The following CACNA2D2 variants were observed in gnomAD, a reference collection of about 807,000 sequenced individuals.
CACNA2D2 encodes the protein calcium voltage-gated channel auxiliary subunit alpha2delta 2.
A neutral mutation model predicts 166.4 loss-of-function variants in CACNA2D2; 48 were observed. The ratio of observed to expected loss-of-function variants is 0.29; its 90% CI spans 0.23 to 0.37. The LOEUF is 0.37. Among genes scored for constraint, CACNA2D2 ranks in the 10% least tolerant of loss-of-function variants. The probability of loss-of-function intolerance (pLI) is 1.00; values close to 1 mark genes in which losing one functional copy is unlikely to be tolerated. For synonymous variants in CACNA2D2, 561 were observed against 573.7 expected, an observed-to-expected ratio of 0.98 and a Z score of 0.32; for missense variants, 1,122 against 1,433.0, an observed-to-expected ratio of 0.78 and a Z score of 3.50.
intron 13 of CACNA2D2, among the ~76,000 whole-genome samples, chr3:50,378,608 C>A (rs1705115838): frequency 6.6e-6 from 1 of 152,212 alleles, no homozygotes; most frequent in Non-Finnish European, 1.5e-5. Context: ...GGTGCAATGC[C>A]ATTCAAAGTC....
chr3:50,481,226 C>A (rs1698043499), intron 1 of CACNA2D2, among the ~76,000 whole-genome samples: 1 of 152,036 alleles, frequency 6.6e-6, no homozygotes, highest in Non-Finnish European at 1.5e-5. Flanking sequence ...GGGAGGGGCT[C>A]TGTTCAAGAG....
intron 3 of CACNA2D2, among the ~76,000 whole-genome samples, chr3:50,431,265 C>T (rs1708048990): frequency 6.6e-6 from 1 of 152,094 alleles, no homozygotes; most frequent in Admixed American, 6.5e-5. Flanking sequence ...ACATTTAAAA[C>T]ATAATTAAAA....
chr3:50,447,575 C>G (rs1708911894), intron 2 of CACNA2D2, among the ~76,000 whole-genome samples: 3 of 152,118 alleles, frequency 2.0e-5, no homozygotes, highest in Non-Finnish European at 4.4e-5. Context: ...CCTCCCATAC[C>G]ACTGGGCCTG....
At chr3:50,445,372 T>C (rs1214987553) in intron 2 of CACNA2D2, among the ~76,000 whole-genome samples, 1 of 152,164 alleles carries the variant, frequency 6.6e-6, no homozygotes, top group African/African-American at 2.4e-5. Flanking sequence ...GGTAAGGCAG[T>C]AGGCACCAGA....
Position 50,378,899 on chromosome 3 carries a change from T to C in CACNA2D2, c.1339+16A>G, listed in dbSNP as rs773064248. On this transcript the variant is annotated intron_variant, in intron 13 of 37. Transcript: ENST00000424201. ...ATGGCAGGCAGGCCCCTGACAGTGA[T>C]GCGCAGGGGAGGTACCTTTGTTGGC... is the stretch of plus-strand genomic sequence containing the variant. 3.7e-6 allele frequency: 6 copies of C among 1,612,942 alleles called. No individual in the cohort carries two copies. The highest frequency in any genetic ancestry group is 5.1e-6 in the Non-Finnish European group (6 of 1,179,424).
intron 3 of CACNA2D2, among the ~76,000 whole-genome samples, chr3:50,432,363 G>A (rs933939053): frequency 5.9e-5 from 9 of 152,236 alleles, no homozygotes; most frequent in Non-Finnish European, 1.2e-4. Flanking sequence ...GTGGCAGGCC[G>A]AAAGGCCTGA....
At chr3:50,392,952 G>A (rs545521335) in intron 4 of CACNA2D2, among the ~76,000 whole-genome samples, 228 of 152,298 alleles carry the variant, frequency 1.5e-3, no homozygotes, top group African/African-American at 5.2e-3. Context: ...CTCCCTGAGG[G>A]CAGCACCCAG....
chr3:50,490,616 C>G (rs1285787012), intron 1 of CACNA2D2, among the ~76,000 whole-genome samples: 2 of 152,224 alleles, frequency 1.3e-5, no homozygotes, highest in African/African-American at 4.8e-5. Flanking sequence ...AGGCTCTGTC[C>G]CAGGCTGCTG....
chr3:50,379,734 A>G lies in CACNA2D2; in HGVS notation c.984T>C (p.Asn328=), dbSNP rs1445655667. 1.9e-6 allele frequency: 3 copies of G among 1,613,792 alleles called. No individual in the cohort carries two copies. The highest frequency in any genetic ancestry group is 4.5e-5 in the East Asian group (2 of 44,888). Residue 328 remains asparagine, a synonymous_variant, in exon 10 of 38, where the codon AAT becomes AAC. Coordinates refer to ENST00000424201, the MANE Select transcript of CACNA2D2 (RefSeq NM_006030.4). This position sits in a 1 kb window ranked among gnomAD's most constrained non-coding sequence, Gnocchi z 6.5. ...CCACCTTGGCACTCACCGAGGCCACATTCACATAGTCATCATCAGACAGCG... is the reference window on the plus strand; with the variant it reads ...CCACCTTGGCACTCACCGAGGCCACGTTCACATAGTCATCATCAGACAGCG... ...LDTLSDDDYV[N]VASFNEKAQP...
At chr3:50,461,133 A>G (rs1375139017) in intron 2 of CACNA2D2, among the ~76,000 whole-genome samples, 6 of 152,202 alleles carry the variant, frequency 3.9e-5, no homozygotes, top group Admixed American at 3.9e-4. Context: ...TAAGAAATGA[A>G]AAGCCGCACA....
chr3:50,399,240 A>G (rs938622893), intron 3 of CACNA2D2, among the ~76,000 whole-genome samples: 1 of 152,208 alleles, frequency 6.6e-6, no homozygotes, highest in African/African-American at 2.4e-5. Context: ...CTCCCTGCCC[A>G]GTGCTGGTGG....
chr3:50,415,604 C>A (rs1217329619), intron 3 of CACNA2D2, among the ~76,000 whole-genome samples: 1 of 152,272 alleles, frequency 6.6e-6, no homozygotes, highest in Non-Finnish European at 1.5e-5. Context: ...CCATCAGGTC[C>A]TCTGTTCCAG....
At chr3:50,452,850 G>A (rs999903149) in intron 2 of CACNA2D2, among the ~76,000 whole-genome samples, 4 of 152,196 alleles carry the variant, frequency 2.6e-5, no homozygotes, top group African/African-American at 7.2e-5. Flanking sequence ...CAGCAAAGAA[G>A]TGGGGCCCTG....
At chr3:50,422,813 T>C (rs1707636729) in intron 3 of CACNA2D2, among the ~76,000 whole-genome samples, 1 of 152,246 alleles carries the variant, frequency 6.6e-6, no homozygotes, top group South Asian at 2.1e-4. Context: ...CATGCTGCCC[T>C]GGAAGCCGAG....
At chr3:50,395,614 C>T (rs1034113728) in intron 3 of CACNA2D2, among the ~76,000 whole-genome samples, 5 of 152,226 alleles carry the variant, frequency 3.3e-5, no homozygotes, top group African/African-American at 4.8e-5. Context: ...CCAGAGGGGA[C>T]GTCCTACTAA....
chr3:50,367,269 C>G lies in CACNA2D2; in HGVS notation c.2401+125G>C, dbSNP rs587645429. On this transcript the variant is annotated intron_variant, in intron 27 of 37. Transcript: ENST00000424201. The surrounding 1 kb of genome is among the most constrained non-coding windows in gnomAD (Gnocchi z 6.5). Reference sequence around the variant, plus strand: ...GCACAGTCTATCCCTCTTTTCACGTCTGCCCTGGCCTCAGCCAGCCTTGTG... The same window carrying G: ...GCACAGTCTATCCCTCTTTTCACGTGTGCCCTGGCCTCAGCCAGCCTTGTG... 33 of 1,038,108 alleles carry G rather than the reference C, an allele frequency of 3.2e-5. No homozygotes were observed. In the East Asian group the frequency reaches 8.5e-4, roughly 27 times the overall value. The allele number at this position is 1,038,108 out of a possible 1,614,324, so 64.3% of individuals were successfully genotyped here.
At chr3:50,497,812 A>C (rs1468309162) in intron 1 of CACNA2D2, among the ~76,000 whole-genome samples, 1 of 152,214 alleles carries the variant, frequency 6.6e-6, no homozygotes, top group Non-Finnish European at 1.5e-5. Flanking sequence ...CAGGTTCCAC[A>C]GGACAAGAGA....
At chr3:50,390,901 G>A (rs920457795) in intron 4 of CACNA2D2, among the ~76,000 whole-genome samples, 1 of 152,230 alleles carries the variant, frequency 6.6e-6, no homozygotes, top group Non-Finnish European at 1.5e-5. Context: ...CATGACTGCC[G>A]CCTGCCCACC....
chr3:50,433,807 G>A (rs568569344), intron 3 of CACNA2D2, among the ~76,000 whole-genome samples: 2 of 152,294 alleles, frequency 1.3e-5, no homozygotes, highest in East Asian at 1.9e-4. Flanking sequence ...CCCAGATGGG[G>A]GAGCAGAGAA....
Sources: allele counts gnomAD v4.1 joint callset (sites outside exome capture counted in the v4.1 genomes callset), GRCh38; gene constraint gnomAD v4.1.1; non-coding constraint Gnocchi (gnomAD v3.1); transcripts MANE v1.5; gene names NCBI Gene and HGNC (gene_info 2026-07-23, HGNC 2026-07-21).